EML6: variants seen among roughly 807,000 people sequenced by gnomAD.
The protein encoded by EML6 is echinoderm microtubule-associated protein-like 6.
In EML6, 154 loss-of-function variants were observed where a neutral mutation model predicts 240.1. The observed-to-expected ratio is 0.64, with a 90% CI of 0.56 to 0.73. The LOEUF is 0.73. EML6 is among the 30% of genes least tolerant of loss of function. The pLI is 0.00. For synonymous variants in EML6, 1,148 were observed against 899.0 expected (o/e 1.28, Z -4.95); for missense variants, 2,964 against 2,474.6 (o/e 1.20, Z -4.20).
At chr2:54,892,151 A>C (rs959136386) in intron 18 of EML6, among the ~76,000 whole-genome samples, 1 of 152,158 alleles carries the variant, frequency 6.6e-6, no homozygotes, top group Non-Finnish European at 1.5e-5. Flanking sequence ...ACTGAGATGC[A>C]TATTGATTGC....
chr2:54,823,547 G>A (rs1288493935), intron 5 of EML6, among the ~76,000 whole-genome samples: 1 of 152,236 alleles, frequency 6.6e-6, no homozygotes, highest in East Asian at 1.9e-4. Context: ...TGTTTTATTA[G>A]TCAAAGATGT....
intron 35 of EML6, among the ~76,000 whole-genome samples, chr2:54,962,302 G>A (rs6745543): frequency 0.26 from 39,408 of 151,674 alleles, 5,727 homozygotes; most frequent in South Asian, 0.38. Context: ...GTGGCATTAG[G>A]TGCATTCACA....
At chr2:54,899,843 T>C in intron 22 of EML6, 61 bp downstream of exon 22, 1 of 1,470,286 alleles carries the variant, frequency 6.8e-7, no homozygotes, top group Non-Finnish European at 9.2e-7. Context: ...TGTGTCATAT[T>C]TATTCACTCA....
chr2:54,923,394 C>CAA (rs1365307595), intron 26 of EML6, among the ~76,000 whole-genome samples: 1 of 151,646 alleles, frequency 6.6e-6, no homozygotes, highest in African/African-American at 2.4e-5. Context: ...CACACACACA[C>CAA]ACACACACAC....
At chr2:54,969,994 G>A in intron 41 of EML6, 77 bp from the exon 42 acceptor site, 1 of 1,485,366 alleles carries the variant, frequency 6.7e-7, no homozygotes, top group East Asian at 2.5e-5. Flanking sequence ...TTGAGCACTT[G>A]GCAAGATTGT....
chr2:54,960,216 T>C lies in EML6; in HGVS notation c.4854-4T>C. 6.5e-7 allele frequency: 1 copy of C among 1,548,854 alleles called. No homozygotes were observed. The highest frequency in any genetic ancestry group is 8.7e-7 in the Non-Finnish European group (1 of 1,144,606). On this transcript the variant is annotated splice_region_variant and splice_polypyrimidine_tract_variant and intron_variant, in intron 34 of 41. Transcript: ENST00000356458. ...CAGCCTGAGTCCCTTTCAATCTTTT[T>C]TAGGACCAAAGAAGGAGGTGCTGTA...
chr2:54,891,113 T>G lies in EML6; in HGVS notation c.2498T>G (p.Val833Gly). 6.6e-7 allele frequency: 1 copy of G among 1,507,934 alleles called. No homozygotes were observed. Among genetic ancestry groups the G allele is most frequent in the Non-Finnish European group, 9.0e-7 (1 of 1,114,312 alleles). 93.4% of individuals were successfully genotyped at this position (1,507,934 alleles called of 1,614,324 possible). Residue 833 changes from valine (V) to glycine (G), a missense_variant, in exon 18 of 42, where the codon GTT (valine) becomes GGT (glycine). By Grantham distance (109) the Val-to-Gly change is moderately radical (BLOSUM62 -3). Coordinates refer to ENST00000356458, the MANE Select transcript of EML6 (RefSeq NM_001039753.4). ...KCNPHHVDKL[V>G]TVGIKHIKFW... is the part of the protein sequence containing the mutation. Reference sequence around the variant, plus strand: ...AACCCACACCATGTTGACAAACTGGTTACAGTTGGGATAAAACACATCAAA... The same window carrying G: ...AACCCACACCATGTTGACAAACTGGGTACAGTTGGGATAAAACACATCAAA...
intron 2 of EML6, among the ~76,000 whole-genome samples, chr2:54,808,180 G>C (rs954226892): frequency 4.1e-4 from 62 of 152,204 alleles, no homozygotes; most frequent in Admixed American, 3.5e-3. Context: ...GGCCCTCTCT[G>C]TGGTGTCAAG....
intron 24 of EML6, among the ~76,000 whole-genome samples, chr2:54,908,051 A>C (rs1673441921): frequency 6.6e-6 from 1 of 152,094 alleles, no homozygotes; most frequent in Non-Finnish European, 1.5e-5. Flanking sequence ...ATATTTCCTC[A>C]TGCTTAAGAA....
intron 28 of EML6, among the ~76,000 whole-genome samples, chr2:54,942,251 A>G (rs1284845645): frequency 6.6e-6 from 1 of 152,212 alleles, no homozygotes; most frequent in Non-Finnish European, 1.5e-5. Flanking sequence ...TTAGAAGCTT[A>G]ATGTGCCTAG....
chr2:54,968,821 TC>T (rs1469758358), intron 41 of EML6, 53 bp downstream of exon 41: 1 of 994,608 alleles, frequency 1.0e-6, no homozygotes, highest in Non-Finnish European at 1.5e-6. Context: ...CAGCTCTCCC[TC>T]CCCATCTCAG....
At chr2:54,731,948 T>C (rs1228524957) in intron 2 of EML6, among the ~76,000 whole-genome samples, 1 of 152,200 alleles carries the variant, frequency 6.6e-6, no homozygotes, top group Non-Finnish European at 1.5e-5. Context: ...ATCCAATTCC[T>C]CCACATCGTC....
At chr2:54,859,455 A>G in intron 11 of EML6, 79 bp from the exon 12 acceptor site, 1 of 1,118,964 alleles carries the variant, frequency 8.9e-7, no homozygotes, top group South Asian at 1.5e-5. Context: ...ACTCTTCAAC[A>G]TGAACAGAAG....
chr2:54,882,282 T>C (rs1671856065), intron 17 of EML6: 2 of 124,134 alleles, frequency 1.6e-5, no homozygotes, highest in African/African-American at 6.3e-5. Context: ...TCTTTTTTTT[T>C]TTTTTTTCCC....
At chr2:54,755,669 T>C (rs1055319420) in intron 2 of EML6, among the ~76,000 whole-genome samples, 1 of 152,180 alleles carries the variant, frequency 6.6e-6, no homozygotes, top group Non-Finnish European at 1.5e-5. Flanking sequence ...TATAATTTTT[T>C]AGTTTTTTCG....
At chr2:54,923,389 A>G (rs913675404) in intron 26 of EML6, among the ~76,000 whole-genome samples, 17 of 151,728 alleles carry the variant, frequency 1.1e-4, no homozygotes, top group African/African-American at 3.6e-4. Context: ...ACACACACAC[A>G]CACACACACA....
At chr2:54,750,131 A>G (rs1161436585) in intron 2 of EML6, among the ~76,000 whole-genome samples, 3 of 152,200 alleles carry the variant, frequency 2.0e-5, no homozygotes, top group Non-Finnish European at 4.4e-5. Context: ...TCCATCGTGC[A>G]CTGTCCACAA....
At chr2:54,929,843 G>C (rs1182966570) in intron 28 of EML6, among the ~76,000 whole-genome samples, 1 of 152,086 alleles carries the variant, frequency 6.6e-6, no homozygotes, top group African/African-American at 2.4e-5. Flanking sequence ...ATCTTTGTTA[G>C]ATATTACAAA....
intron 13 of EML6, among the ~76,000 whole-genome samples, chr2:54,865,765 A>T (rs958723498): frequency 6.6e-6 from 1 of 152,226 alleles, no homozygotes; most frequent in Admixed American, 6.5e-5. Context: ...TCTCCCTGAC[A>T]TGTCACTTTC....
Sources: allele counts gnomAD v4.1 joint callset (sites outside exome capture counted in the v4.1 genomes callset), GRCh38; gene constraint gnomAD v4.1.1; transcripts MANE v1.5; gene names NCBI Gene and HGNC (gene_info 2026-07-23, HGNC 2026-07-21).